Variants in GPR37L1 observed in about 807,000 individuals in gnomAD.
GPR37L1 encodes the protein G protein-coupled receptor 37 like 1.
A neutral mutation model predicts 18.0 loss-of-function variants in GPR37L1; 18 were observed. The ratio of observed to expected loss-of-function variants is 1.00; its 90% CI spans 0.69 to 1.49. GPR37L1 has a LOEUF of 1.49. GPR37L1 is among the 40% of genes most tolerant of loss of function. The pLI is 0.00. For missense variants in GPR37L1, 558 were observed against 615.1 expected, an observed-to-expected ratio of 0.91 and a Z score of 0.98; for synonymous variants, 256 against 273.9, an observed-to-expected ratio of 0.93 and a Z score of 0.65.
intron 1 of GPR37L1, 128 bp from the exon 2 acceptor site, chr1:202,127,613 G>A: frequency 1.5e-6 from 1 of 687,442 alleles, no homozygotes; most frequent in Non-Finnish European, 2.5e-6. Flanking sequence ...ACCGCACCCG[G>A]CCCATTATTA....
At position 202,127,851 on chromosome 1, in the gene GPR37L1, C is replaced by T. The variant is rs1164982955; in HGVS notation, c.741C>T (p.Ser247=). The T allele has an allele frequency of 6.2e-7, 1 of 1,613,952 alleles. No individual in the cohort carries two copies. Among genetic ancestry groups the T allele is most frequent in the East Asian group, 2.2e-5 (1 of 44,862 alleles). ...TGAGGCCCATCGAGCGGTGCCAATC[C>T]ATCCTGGCCAAGTTGGCTGTCATCT... ...PKVRPIERCQ[S]ILAKLAVIWV... The change falls in exon 2 of 2, where the codon TCC becomes TCT. Residue 247 remains serine, a synonymous_variant. Transcript: ENST00000367282.
In GPR37L1 at chr1:202,131,819, C is replaced by T. The variant is rs1201020578; in HGVS notation, c.*3263C>T. ...TGGTGTGATCACAGCTCATTGCAGC[C>T]TCCACTTCCTGGGCTCAAGCGATTC... On this transcript the variant is annotated 3_prime_UTR_variant, in exon 2 of 2. Transcript: ENST00000367282. 6.6e-6 allele frequency: 1 copy of T among 151,986 alleles called. No individual in the cohort carries two copies. Among genetic ancestry groups the T allele is most frequent in the Non-Finnish European group, 1.5e-5 (1 of 68,048 alleles). The allele number at this position is 151,986 out of a possible 1,614,324, so 9.4% of individuals were successfully genotyped here. A position where few individuals can be genotyped will look rare whatever the true frequency, so the allele number is the denominator to read the frequency against.
At chr1:202,125,039 C>T (rs1202850939) in intron 1 of GPR37L1, among the ~76,000 whole-genome samples, 1 of 151,716 alleles carries the variant, frequency 6.6e-6, no homozygotes, top group Admixed American at 6.6e-5. Context: ...GTGGCACGCA[C>T]CTGCAGTCCC....
rs1329813316 is a variant in GPR37L1, at chr1:202,129,844, G to C, written c.*1288G>C. 3 of 152,434 alleles carry C rather than the reference G, an allele frequency of 2.0e-5. No individual in the cohort carries two copies. Among genetic ancestry groups the C allele is most frequent in the African/African-American group, 7.2e-5 (3 of 41,454 alleles). 9.4% of individuals were successfully genotyped at this position (152,434 alleles called of 1,614,324 possible). On this transcript the variant is annotated 3_prime_UTR_variant, in exon 2 of 2. Transcript: ENST00000367282. ...CTCTGCTATGCCCTCTCTCCACAAAGCCCCCCTTGGAGGGAGTCCAGTGGT... is the reference window on the plus strand; with the variant it reads ...CTCTGCTATGCCCTCTCTCCACAAACCCCCCCTTGGAGGGAGTCCAGTGGT...
In GPR37L1 at chr1:202,127,821, C is replaced by T; in HGVS notation, c.711C>T (p.Pro237=). ...TCCACGTGGCCACCAGCACCCTGCCCAAGGTGAGGCCCATCGAGCGGTGCC... is the reference window on the plus strand; with the variant it reads ...TCCACGTGGCCACCAGCACCCTGCCTAAGGTGAGGCCCATCGAGCGGTGCC... ...DRFHVATSTL[P]KVRPIERCQS... is the part of the protein sequence containing the mutation. The change falls in exon 2 of 2, where the codon CCC becomes CCT. Residue 237 remains proline (P), a synonymous_variant. Coordinates refer to ENST00000367282, the MANE Select transcript of GPR37L1 (RefSeq NM_004767.5). 6.2e-7 allele frequency: 1 copy of T among 1,613,592 alleles called. No individual in the cohort carries two copies.
At position 202,131,789 on chromosome 1, in the gene GPR37L1, T is replaced by A. The variant is rs1299984094; in HGVS notation, c.*3233T>A. ...ATCCCACTCAGTCACTCAAGCTGAG[T>A]GCTGTGGTGTGATCACAGCTCATTG... is the stretch of plus-strand genomic sequence containing the variant. On this transcript the variant is annotated 3_prime_UTR_variant, in exon 2 of 2. Transcript: ENST00000367282. The A allele has an allele frequency of 6.6e-6, 1 of 151,874 alleles. No individual in the cohort carries two copies. The highest frequency in any genetic ancestry group is 1.5e-5 in the Non-Finnish European group (1 of 67,990). 9.4% of individuals were successfully genotyped at this position (151,874 alleles called of 1,614,324 possible).
chr1:202,123,631 G>A (rs757844535), intron 1 of GPR37L1, 38 bp downstream of exon 1: 3 of 1,519,716 alleles, frequency 2.0e-6, no homozygotes, highest in Non-Finnish European at 8.8e-7. Flanking sequence ...CTGGGAGGCT[G>A]CAATCCAGGG....
intron 1 of GPR37L1, among the ~76,000 whole-genome samples, chr1:202,123,884 A>G (rs186064966): frequency 0.011 from 1,746 of 152,026 alleles, 33 homozygotes; most frequent in African/African-American, 0.038. Context: ...GGCCTTTGCC[A>G]CTTTCTCCAG....
Position 202,128,556 on chromosome 1 carries a change from A to C in GPR37L1, c.1446A>C (p.Ter482CysextTer34). The C allele has an allele frequency of 1.1e-5, 14 of 1,258,426 alleles. No homozygotes were observed. The highest frequency in any genetic ancestry group is 1.5e-5 in the African/African-American group (1 of 66,786). The allele number at this position is 1,258,426 out of a possible 1,614,324, so 78.0% of individuals were successfully genotyped here. ...TCCTGCCCCTGGGCACACCTTGCTG[A>C]GGCCCCAGTAGGGGTGGGGAGGGAG... Reference protein sequence around the residue: ...PPLLPLGTPC* With the variant: ...PPLLPLGTPCC The change falls in exon 2 of 2, where the codon TGA (stop) becomes TGC (cysteine). Residue 482 changes from the stop codon to cysteine, a stop_lost. Coordinates refer to ENST00000367282, the MANE Select transcript of GPR37L1 (RefSeq NM_004767.5).
chr1:202,124,558 A>G (rs12122642), intron 1 of GPR37L1, among the ~76,000 whole-genome samples: 37,137 of 152,234 alleles, frequency 0.24, 5,506 homozygotes, highest in South Asian at 0.36. Flanking sequence ...TCTCTGTAAG[A>G]CAAAATAAGC....
At chr1:202,125,709 C>T (rs1446585959) in intron 1 of GPR37L1, among the ~76,000 whole-genome samples, 1 of 152,122 alleles carries the variant, frequency 6.6e-6, no homozygotes, top group Non-Finnish European at 1.5e-5. Context: ...GAGTCTCACT[C>T]TGTCACCCAC....
In GPR37L1 at chr1:202,132,753, C is replaced by G. The variant is rs1003496731; in HGVS notation, c.*4197C>G. On this transcript the variant is annotated 3_prime_UTR_variant, in exon 2 of 2. Coordinates refer to ENST00000367282, the MANE Select transcript of GPR37L1 (RefSeq NM_004767.5). Reference sequence around the variant, plus strand: ...CAGGCTCTGAGGCAGCAGCTGTGAGCAGTGCCGAGGGAGGACCAGCTCTGA... The same window carrying G: ...CAGGCTCTGAGGCAGCAGCTGTGAGGAGTGCCGAGGGAGGACCAGCTCTGA... 1 of 152,522 alleles carries G rather than the reference C, an allele frequency of 6.6e-6. No individual in the cohort carries two copies. The highest frequency in any genetic ancestry group is 2.4e-5 in the African/African-American group (1 of 41,418). 9.4% of individuals were successfully genotyped at this position (152,522 alleles called of 1,614,324 possible). A position where few individuals can be genotyped will look rare whatever the true frequency, so the allele number is the denominator to read the frequency against.
At position 202,123,499 on chromosome 1, in the gene GPR37L1, T is replaced by A. The variant is rs946048338; in HGVS notation, c.536T>A (p.Val179Asp). ...AGCCTGGCCCTCTGGGATTTTCTGG[T>A]CCTCTTTTTCTGCCTCCCTATTGTC... is the stretch of plus-strand genomic sequence containing the variant. ...LASLALWDFLVLFFCLPIVIF... is the reference protein window; with the variant it reads ...LASLALWDFLDLFFCLPIVIF... Residue 179 changes from valine to aspartate, a missense_variant, in exon 1 of 2, where the codon GTC (valine) becomes GAC (aspartate). Val to Asp is a radical substitution (Grantham distance 152). Coordinates refer to ENST00000367282, the MANE Select transcript of GPR37L1 (RefSeq NM_004767.5). 1 of 1,613,764 alleles carries A rather than the reference T, an allele frequency of 6.2e-7. No individual in the cohort carries two copies. The highest frequency in any genetic ancestry group is 1.3e-5 in the African/African-American group (1 of 74,842).
chr1:202,124,934 G>C (rs891086676), intron 1 of GPR37L1, among the ~76,000 whole-genome samples: 1 of 152,096 alleles, frequency 6.6e-6, no homozygotes, highest in Non-Finnish European at 1.5e-5. Context: ...GGGAGGCCGA[G>C]GCAGGTGGAT....
At position 202,123,269 on chromosome 1, in the gene GPR37L1, G is replaced by A. The variant is rs919589957; in HGVS notation, c.306G>A (p.Leu102=). ...DGGTPDSGQE[L]RGNLTGAPGQ... ...GCACCCCAGACAGTGGGCAGGAACT[G>A]AGGGGCAATCTGACAGGAGCACCAG... Residue 102 remains leucine (L), a synonymous_variant, in exon 1 of 2, where the codon CTG becomes CTA. Coordinates refer to ENST00000367282, the MANE Select transcript of GPR37L1 (RefSeq NM_004767.5). 6.2e-7 allele frequency: 1 copy of A among 1,613,908 alleles called. No individual in the cohort carries two copies. The highest frequency in any genetic ancestry group is 1.1e-5 in the South Asian group (1 of 91,090).
chr1:202,125,715 C>T (rs1241505895), intron 1 of GPR37L1, among the ~76,000 whole-genome samples: 1 of 152,086 alleles, frequency 6.6e-6, no homozygotes, highest in Non-Finnish European at 1.5e-5. Flanking sequence ...CACTCTGTCA[C>T]CCACAACACC....
intron 1 of GPR37L1, among the ~76,000 whole-genome samples, chr1:202,124,607 G>T (rs6701064): frequency 0.42 from 64,247 of 152,086 alleles, 14,234 homozygotes; most frequent in Middle Eastern, 0.55. Flanking sequence ...GAGTGTAATG[G>T]AGTGACTGTG....
rs1456075093 is a variant in GPR37L1, at chr1:202,130,928, G to A, written c.*2372G>A. ...TCCCTCCTGCTGGTTGGCCGGCTCA[G>A]AGATGAAGGGGGAGAGATGGTGGCT... On this transcript the variant is annotated 3_prime_UTR_variant, in exon 2 of 2. Coordinates refer to ENST00000367282, the MANE Select transcript of GPR37L1 (RefSeq NM_004767.5). 6.6e-6 allele frequency: 1 copy of A among 152,320 alleles called. No homozygotes were observed. Among genetic ancestry groups the A allele is most frequent in the Non-Finnish European group, 1.5e-5 (1 of 68,116 alleles). 9.4% of individuals were successfully genotyped at this position (152,320 alleles called of 1,614,324 possible).
rs1654876962 is a variant in GPR37L1, at chr1:202,132,260, A to G, written c.*3704A>G. On this transcript the variant is annotated 3_prime_UTR_variant, in exon 2 of 2. Transcript: ENST00000367282. Reference sequence around the variant, plus strand: ...GGAAAACCTAGCCATGCTTGCAGTCAGGAGAGGGCAGGGGATAGAGCCCTG... The same window carrying G: ...GGAAAACCTAGCCATGCTTGCAGTCGGGAGAGGGCAGGGGATAGAGCCCTG... 1 of 152,250 alleles carries G rather than the reference A, an allele frequency of 6.6e-6. No individual in the cohort carries two copies. The highest frequency in any genetic ancestry group is 1.5e-5 in the Non-Finnish European group (1 of 68,040). The allele number at this position is 152,250 out of a possible 1,614,324, so 9.4% of individuals were successfully genotyped here. A position where few individuals can be genotyped will look rare whatever the true frequency, so the allele number is the denominator to read the frequency against.
Sources: gnomAD v4.1 joint callset for allele counts (sites outside exome capture counted in the v4.1 genomes callset) on GRCh38, gnomAD v4.1.1 for gene constraint, MANE v1.5 for transcripts, NCBI Gene and HGNC (gene_info 2026-07-23, HGNC 2026-07-21) for gene names.